The following SLC27A4 variants were observed in gnomAD, a reference collection of about 807,000 sequenced individuals.
SLC27A4 encodes the protein long-chain fatty acid transport protein 4.
SLC27A4 carries 33 observed loss-of-function variants against 64.4 expected under a neutral mutation model. The ratio of observed to expected loss-of-function variants is 0.51; its 90% confidence interval spans 0.39 to 0.68. The LOEUF (loss-of-function observed/expected upper bound fraction) is 0.68. Among genes scored for constraint, SLC27A4 ranks in the 30% least tolerant of loss-of-function variants. SLC27A4 has a pLI of 0.00. For synonymous variants in SLC27A4, 377 were observed against 370.0 expected (o/e 1.02, Z -0.22); for missense variants, 824 against 883.5 (o/e 0.93, Z 0.85).
Position 128,352,618 on chromosome 9 carries a change from G to A in SLC27A4, c.878-20G>A, listed in dbSNP as rs748257433. ...GGTCTTCATCTCGCTGACCCTCAGG[G>A]GCCATCCCTCTGCCTCCAGGAAACA... On this transcript the variant is annotated intron_variant, in intron 6 of 12. Transcript: ENST00000300456. 2.5e-6 allele frequency: 4 copies of A among 1,593,586 alleles called. No individual in the cohort carries two copies. The highest frequency in any genetic ancestry group is 3.4e-6 in the Non-Finnish European group (4 of 1,161,332).
At chr9:128,350,801 C>G (rs1308645315) in intron 6 of SLC27A4, among the ~76,000 whole-genome samples, 1 of 151,628 alleles carries the variant, frequency 6.6e-6, no homozygotes, top group Admixed American at 6.6e-5. Context: ...ACTAAAAATA[C>G]AAAAATTAGG....
chr9:128,354,039 G>A (rs562637102), intron 9 of SLC27A4, among the ~76,000 whole-genome samples: 1 of 152,050 alleles, frequency 6.6e-6, no homozygotes, highest in South Asian at 2.1e-4. Context: ...CACCGCGCCC[G>A]GCCAAGCAAT....
At chr9:128,348,785 T>C in intron 4 of SLC27A4, 82 bp downstream of exon 4, 1 of 1,427,828 alleles carries the variant, frequency 7.0e-7, no homozygotes, top group Non-Finnish European at 9.8e-7. Context: ...AAGGAGGCTT[T>C]TCTGGAAACT....
rs543117643 is a variant in SLC27A4, at chr9:128,345,106, C to T, written c.162-49C>T. ...AGCCTGGGGTAGGGTGTCAGGACCC[C>T]TCCCTCCCAACCATGGCAGACACAG... On this transcript the variant is annotated intron_variant, in intron 2 of 12. Transcript: ENST00000300456. The surrounding 1 kb of genome is among the most constrained non-coding windows in gnomAD (Gnocchi z 4.1). 1.5e-5 allele frequency: 24 copies of T among 1,610,908 alleles called. No homozygotes were observed. The highest frequency in any genetic ancestry group is 1.7e-5 in the Admixed American group (1 of 59,958).
chr9:128,355,756 C>G lies in SLC27A4; in HGVS notation c.1734C>G (p.Arg578=), dbSNP rs140778286. 1.9e-6 allele frequency: 3 copies of G among 1,613,808 alleles called. No individual in the cohort carries two copies. In the African/African-American group the frequency reaches 4.0e-5, roughly 21 times the overall value. Residue 578 remains arginine, a synonymous_variant, in exon 12 of 13, where the codon CGC becomes CGG. Coordinates refer to ENST00000300456, the MANE Select transcript of SLC27A4 (RefSeq NM_005094.4). ...VLEKELPLYA[R]PIFLRLLPEL... ...AGAAGGAACTGCCCCTGTATGCGCG[C>G]CCCATCTTCCTGCGCCTCCTGCCTG...
chr9:128,349,020 G>C (rs976289331), intron 4 of SLC27A4, among the ~76,000 whole-genome samples: 3 of 138,658 alleles, frequency 2.2e-5, no homozygotes, highest in Non-Finnish European at 4.5e-5. Flanking sequence ...CCGGGAACCT[G>C]CCTGGTCTGG....
intron 6 of SLC27A4, among the ~76,000 whole-genome samples, chr9:128,351,504 G>A (rs1278185466): frequency 6.6e-6 from 1 of 151,862 alleles, no homozygotes; most frequent in African/African-American, 2.4e-5. Context: ...GGATCACGAG[G>A]TCAGGAGTTC....
Position 128,345,625 on chromosome 9 carries a change from G to A in SLC27A4, c.556+76G>A. 1 of 1,478,976 alleles carries A rather than the reference G, an allele frequency of 6.8e-7. No individual in the cohort carries two copies. Among genetic ancestry groups the A allele is most frequent in the South Asian group, 1.3e-5 (1 of 75,522 alleles). The allele number at this position is 1,478,976 out of a possible 1,614,324, so 91.6% of individuals were successfully genotyped here. On this transcript the variant is annotated intron_variant, in intron 3 of 12. Transcript: ENST00000300456. This position sits in a 1 kb window ranked among gnomAD's most constrained non-coding sequence, Gnocchi z 4.1. ...CAGACCACAGCTCCCTTCCAGCCCT[G>A]CCAAGGCTGTGTGGGTCAGTGGTTA...
At position 128,353,905 on chromosome 9, in the gene SLC27A4, G is replaced by A. The variant is rs371168947; in HGVS notation, c.1324+364G>A. On this transcript the variant is annotated intron_variant, in intron 9 of 12. Transcript: ENST00000300456. The surrounding 1 kb of genome is among the most constrained non-coding windows in gnomAD (Gnocchi z 4.9). ...ACTACAGGCGCCCGCCACTACGCCCGGCTAATTTTTTGTATTTTTAGTAGA... is the reference window on the plus strand; with the variant it reads ...ACTACAGGCGCCCGCCACTACGCCCAGCTAATTTTTTGTATTTTTAGTAGA... Among the ~76,000 whole-genome samples the A allele has an allele frequency of 4.4e-3, 657 of 149,898 alleles. 2 individuals are homozygous for A. Among genetic ancestry groups the A allele is most frequent in the African/African-American group, 0.015 (589 of 39,912 alleles).
At chr9:128,347,465 G>A (rs1345894939) in intron 3 of SLC27A4, among the ~76,000 whole-genome samples, 4 of 152,090 alleles carry the variant, frequency 2.6e-5, no homozygotes, top group East Asian at 1.9e-4. Flanking sequence ...GGTGGCTCAC[G>A]CCTGTAATCC....
Position 128,353,169 on chromosome 9 carries a change from C to A in SLC27A4, c.1132C>A (p.Pro378Thr), listed in dbSNP as rs2131265675. 1 of 1,614,188 alleles carries A rather than the reference C, an allele frequency of 6.2e-7. No individual in the cohort carries two copies. The highest frequency in any genetic ancestry group is 8.5e-7 in the Non-Finnish European group (1 of 1,180,052). Residue 378 changes from proline to threonine, a missense_variant, in exon 8 of 13, where the codon CCC becomes ACC. Pro to Thr is a conservative substitution (Grantham distance 38, BLOSUM62 -1). Coordinates refer to ENST00000300456, the MANE Select transcript of SLC27A4 (RefSeq NM_005094.4). This position sits in a 1 kb window ranked among gnomAD's most constrained non-coding sequence, Gnocchi z 4.9. Reference sequence around the variant, plus strand: ...CAACTTTTCCAGCCGCTTCCACATACCCCAGGTGGCTGAGTTCTACGGGGC... The same window carrying A: ...CAACTTTTCCAGCCGCTTCCACATAACCCAGGTGGCTGAGTTCTACGGGGC... ...WTNFSSRFHI[P>T]QVAEFYGATE...
At chr9:128,359,814 G>GA (rs1220675917) in intron 12 of SLC27A4, among the ~76,000 whole-genome samples, 1 of 151,960 alleles carries the variant, frequency 6.6e-6, no homozygotes, top group Non-Finnish European at 1.5e-5. Context: ...CAATAAAAAA[G>GA]AAAAAAATAC....
Position 128,355,672 on chromosome 9 carries a change from G to A in SLC27A4, c.1650G>A (p.Met550Ile). 6.2e-7 allele frequency: 1 copy of A among 1,612,032 alleles called. No homozygotes were observed. Among genetic ancestry groups the A allele is most frequent in the Non-Finnish European group, 8.5e-7 (1 of 1,180,022 alleles). Residue 550 changes from methionine to isoleucine, a missense_variant, in exon 12 of 13, where the codon ATG (methionine) becomes ATA (isoleucine). Physicochemically the swap from Met to Ile is conservative, Grantham distance 10 (BLOSUM62 1). Coordinates refer to ENST00000300456, the MANE Select transcript of SLC27A4 (RefSeq NM_005094.4). ...CAGGAACCGAGGGCCGGGCCGGAAT[G>A]GCTGCTGTGGCCAGCCCCACTGGCA... ...EVPGTEGRAG[M>I]AAVASPTGNC...
At position 128,353,056 on chromosome 9, in the gene SLC27A4, A is replaced by G. The variant is rs750445884; in HGVS notation, c.1019A>G (p.Tyr340Cys). 2 of 1,613,732 alleles carry G rather than the reference A, an allele frequency of 1.2e-6. No homozygotes were observed. The highest frequency in any genetic ancestry group is 2.7e-5 in the African/African-American group (2 of 74,862). Residue 340 changes from tyrosine (Y) to cysteine (C), a missense_variant, in exon 8 of 13, where the codon TAC (tyrosine) becomes TGC (cysteine). By Grantham distance (194) the Tyr-to-Cys change is radical (BLOSUM62 -2). Coordinates refer to ENST00000300456, the MANE Select transcript of SLC27A4 (RefSeq NM_005094.4). The surrounding 1 kb of genome is among the most constrained non-coding windows in gnomAD (Gnocchi z 4.9). ...CAGTACATTGGTGAACTGTGCCGCTACCTCCTGAACCAGCCACCGCGGGAG... is the reference window on the plus strand; with the variant it reads ...CAGTACATTGGTGAACTGTGCCGCTGCCTCCTGAACCAGCCACCGCGGGAG... ...IVQYIGELCR[Y>C]LLNQPPREAE...
In SLC27A4 at chr9:128,343,110, C is replaced by T. The variant is rs1232979778; in HGVS notation, c.-6-17C>T. 2 of 1,612,668 alleles carry T rather than the reference C, an allele frequency of 1.2e-6. No individual in the cohort carries two copies. The highest frequency in any genetic ancestry group is 4.5e-5 in the East Asian group (2 of 44,882). On this transcript the variant is annotated splice_polypyrimidine_tract_variant and intron_variant, in intron 1 of 12. Transcript: ENST00000300456. ...AGGGTTGGGTGTTTGGGTCCACTAACTGCCCTGTGTCCGCAGGCCACAATG... is the reference window on the plus strand; with the variant it reads ...AGGGTTGGGTGTTTGGGTCCACTAATTGCCCTGTGTCCGCAGGCCACAATG...
intron 12 of SLC27A4, among the ~76,000 whole-genome samples, chr9:128,356,119 A>C (rs945656520): frequency 3.3e-5 from 5 of 152,198 alleles, no homozygotes; most frequent in African/African-American, 9.7e-5. Context: ...AATCGACCAC[A>C]TAATCTGTCA....
At chr9:128,344,741 T>C (rs1017482982) in intron 2 of SLC27A4, among the ~76,000 whole-genome samples, 1 of 152,128 alleles carries the variant, frequency 6.6e-6, no homozygotes, top group Non-Finnish European at 1.5e-5. Flanking sequence ...GCAGCTGGAC[T>C]GTGGGAGGCC....
chr9:128,341,048 T>C (rs1832563189), intron 1 of SLC27A4, among the ~76,000 whole-genome samples: 1 of 152,250 alleles, frequency 6.6e-6, no homozygotes, highest in African/African-American at 2.4e-5. Context: ...TTCTGGCCTC[T>C]TCTTGCCCCA....
At chr9:128,352,972 A>C in intron 7 of SLC27A4, 53 bp from the exon 8 acceptor site, 1 of 1,465,226 alleles carries the variant, frequency 6.8e-7, no homozygotes, top group Non-Finnish European at 9.5e-7. Context: ...GGAGAATCCT[A>C]GTGTAGTGAG....
Sources: gnomAD v4.1 joint callset for allele counts (sites outside exome capture counted in the v4.1 genomes callset) on GRCh38, gnomAD v4.1.1 for gene constraint, Gnocchi (gnomAD v3.1) non-coding constraint, MANE v1.5 for transcripts, NCBI Gene and HGNC (gene_info 2026-07-23, HGNC 2026-07-21) for gene names.